USH2A: variants seen among roughly 807,000 people sequenced by gnomAD.
USH2A encodes usherin, also known as Usher syndrome 2A (autosomal recessive, mild).
USH2A carries 443 observed loss-of-function variants against 538.9 expected under a neutral mutation model. The observed-to-expected ratio is 0.82, with a 90% CI of 0.76 to 0.89. The LOEUF (loss-of-function observed/expected upper bound fraction) is 0.89, where lower values mean the gene tolerates loss of function less well. USH2A is among the 40% of genes least tolerant of loss of function. USH2A has a pLI of 0.00. For missense variants in USH2A, 6,633 were observed against 6,324.8 expected, an observed-to-expected ratio of 1.05 and a Z score of -1.65; for synonymous variants, 2,413 against 2,273.5, an observed-to-expected ratio of 1.06 and a Z score of -1.75.
At chr1:215,898,049 G>C (rs4655433) in intron 40 of USH2A, among the ~76,000 whole-genome samples, 25,376 of 152,104 alleles carry the variant, frequency 0.17, 2,541 homozygotes, top group South Asian at 0.3. Context: ...ACAGTACCCT[G>C]TCACCATGTC....
chr1:215,676,249 C>T (rs1658021150), intron 62 of USH2A, among the ~76,000 whole-genome samples: 1 of 152,140 alleles, frequency 6.6e-6, no homozygotes, highest in African/African-American at 2.4e-5. Flanking sequence ...GTTTTCTCTT[C>T]CAGGCCATGG....
At chr1:215,723,921 C>T (rs1389803030) in intron 61 of USH2A, among the ~76,000 whole-genome samples, 1 of 152,110 alleles carries the variant, frequency 6.6e-6, no homozygotes, top group East Asian at 1.9e-4. Flanking sequence ...ATCCAGCAGT[C>T]TCACTACTGG....
chr1:215,800,531 G>A (rs1311125029), intron 49 of USH2A, among the ~76,000 whole-genome samples: 1 of 152,046 alleles, frequency 6.6e-6, no homozygotes, highest in Non-Finnish European at 1.5e-5. Context: ...GAAGAATTTA[G>A]GACTGCCTTA....
intron 11 of USH2A, among the ~76,000 whole-genome samples, chr1:216,266,786 C>CT (rs1446002580): frequency 6.6e-6 from 1 of 151,744 alleles, no homozygotes; most frequent in Non-Finnish European, 1.5e-5. Context: ...AGATTAATGA[C>CT]ATATAGAAAA....
At position 215,904,740 on chromosome 1, in the gene USH2A, A is replaced by G. The variant is rs1665588971; in HGVS notation, c.7301-3835T>C. On this transcript the variant is annotated intron_variant, in intron 38 of 71. Coordinates refer to ENST00000307340, the MANE Select transcript of USH2A (RefSeq NM_206933.4). ...AATCAACACATCTTGTCCAGTAAAT[A>G]CTAATTCTACACAGCGACTAGATAA... Among the ~76,000 whole-genome samples the G allele has an allele frequency of 2.0e-5, 3 of 152,072 alleles. No individual in the cohort carries two copies. The South Asian group carries it at 6.2e-4, about 32-fold the overall frequency.
intron 37 of USH2A, among the ~76,000 whole-genome samples, chr1:215,953,351 C>T (rs1297585157): frequency 1.3e-5 from 2 of 152,224 alleles, no homozygotes; most frequent in South Asian, 2.1e-4. Flanking sequence ...CAGCATGGTA[C>T]TGGTACCAAA....
At chr1:215,980,431 C>T (rs897605866) in intron 35 of USH2A, among the ~76,000 whole-genome samples, 1 of 152,034 alleles carries the variant, frequency 6.6e-6, no homozygotes, top group Non-Finnish European at 1.5e-5. Context: ...TTAAAAATCA[C>T]GTAATAAAAC....
At chr1:215,633,859 G>A (rs1656389351) in intron 70 of USH2A, among the ~76,000 whole-genome samples, 1 of 152,056 alleles carries the variant, frequency 6.6e-6, no homozygotes, top group Non-Finnish European at 1.5e-5. Context: ...CCAAGTGATG[G>A]GGCCCTCTCC....
chr1:216,197,042 AC>A (rs1203633682), intron 18 of USH2A, among the ~76,000 whole-genome samples: 2 of 152,134 alleles, frequency 1.3e-5, no homozygotes, highest in Non-Finnish European at 1.5e-5. Flanking sequence ...TATCTAAAAA[AC>A]GTCACAAAAA....
chr1:216,411,080 C>A lies in USH2A; in HGVS notation c.651+7434G>T, dbSNP rs143043852. On this transcript the variant is annotated intron_variant, in intron 3 of 71. Transcript: ENST00000307340. ...CACATAAAACAGTTCAATAGAGTTC[C>A]ATTTAAAAAAAAAATCTTAACATAT... is the stretch of plus-strand genomic sequence containing the variant. 3.3e-3 allele frequency among the ~76,000 whole-genome samples: 495 copies of A among 151,562 alleles called. 3 individuals are homozygous for A. The highest frequency in any genetic ancestry group is 0.011 in the African/African-American group (469 of 41,424).
At chr1:216,133,277 C>T (rs1045546051) in intron 21 of USH2A, among the ~76,000 whole-genome samples, 3 of 151,946 alleles carry the variant, frequency 2.0e-5, no homozygotes, top group African/African-American at 7.3e-5. Context: ...GGCCTCTGTT[C>T]CAGGGAACAC....
intron 9 of USH2A, among the ~76,000 whole-genome samples, chr1:216,298,328 A>G (rs1049501065): frequency 6.6e-6 from 1 of 152,208 alleles, no homozygotes; most frequent in African/African-American, 2.4e-5. Flanking sequence ...TTCCTTTGCT[A>G]TTTCTAGGAA....
chr1:216,000,060 CT>C (rs1668230090), intron 33 of USH2A, among the ~76,000 whole-genome samples: 1 of 152,070 alleles, frequency 6.6e-6, no homozygotes, highest in Admixed American at 6.6e-5. Context: ...TAAGAAGGTC[CT>C]GGACTATACT....
At chr1:215,714,367 C>A (rs1659423663) in intron 61 of USH2A, among the ~76,000 whole-genome samples, 1 of 152,040 alleles carries the variant, frequency 6.6e-6, no homozygotes, top group African/African-American at 2.4e-5. Flanking sequence ...TCACTTAAGA[C>A]CAGAAGAAAG....
chr1:216,369,509 C>T (rs2038661699), intron 3 of USH2A, among the ~76,000 whole-genome samples: 1 of 152,190 alleles, frequency 6.6e-6, no homozygotes, highest in South Asian at 2.1e-4. Flanking sequence ...TCCATATAGG[C>T]ACTTAACTAA....
intron 55 of USH2A, among the ~76,000 whole-genome samples, chr1:215,775,627 T>C (rs922599525): frequency 1.3e-5 from 2 of 152,174 alleles, no homozygotes; most frequent in East Asian, 1.9e-4. Flanking sequence ...AAAGATAATA[T>C]GGGAACACAT....
At chr1:215,827,870 T>A (rs982847399) in intron 47 of USH2A, among the ~76,000 whole-genome samples, 1 of 152,182 alleles carries the variant, frequency 6.6e-6, no homozygotes, top group Non-Finnish European at 1.5e-5. Context: ...GGCCTTAATT[T>A]TTTCTTGTAA....
chr1:215,704,191 A>G (rs528919726), intron 61 of USH2A, among the ~76,000 whole-genome samples: 3 of 152,284 alleles, frequency 2.0e-5, no homozygotes, highest in African/African-American at 7.2e-5. Flanking sequence ...CTCAGTTGGA[A>G]ATGCAGAAAT....
intron 35 of USH2A, among the ~76,000 whole-genome samples, chr1:215,989,803 T>C (rs1477351457): frequency 6.6e-6 from 1 of 151,888 alleles, no homozygotes; most frequent in Non-Finnish European, 1.5e-5. Flanking sequence ...AGAAATCAAC[T>C]TGGATATGCT....
Sources: gnomAD v4.1 joint callset for allele counts (sites outside exome capture counted in the v4.1 genomes callset) on GRCh38, gnomAD v4.1.1 for gene constraint, MANE v1.5 for transcripts, NCBI Gene and HGNC (gene_info 2026-07-23, HGNC 2026-07-21) for gene names.